Variants in SPOCK3 observed in about 807,000 individuals in gnomAD.
SPOCK3 encodes testican-3.
SPOCK3 carries 30 observed loss-of-function variants against 56.6 expected under a neutral mutation model. The ratio of observed to expected loss-of-function variants is 0.53; its 90% confidence interval spans 0.40 to 0.72. SPOCK3 has a LOEUF of 0.72. Ranked by LOEUF, SPOCK3 falls within the 30% of genes least tolerant of loss-of-function variation. The pLI is 0.00. For synonymous variants in SPOCK3, 196 were observed against 183.3 expected (o/e 1.07, Z -0.56); for missense variants, 527 against 530.0 (o/e 0.99, Z 0.06).
intron 9 of SPOCK3, among the ~76,000 whole-genome samples, chr4:166,740,540 T>G (rs1380684482): frequency 6.9e-6 from 1 of 145,074 alleles, no homozygotes; most frequent in African/African-American, 2.5e-5. Context: ...TCATTATTAT[T>G]TCTGAGATGG....
chr4:167,064,771 A>T (rs982687606), intron 2 of SPOCK3, among the ~76,000 whole-genome samples: 1 of 151,776 alleles, frequency 6.6e-6, no homozygotes, highest in Non-Finnish European at 1.5e-5. Context: ...TCCTGTGATG[A>T]AAGTTGGAAA....
At chr4:166,826,976 G>A (rs1560900482) in intron 6 of SPOCK3, among the ~76,000 whole-genome samples, 1 of 151,780 alleles carries the variant, frequency 6.6e-6, no homozygotes, top group Non-Finnish European at 1.5e-5. Context: ...TAAAAATTTT[G>A]CTGGGCCCAT....
Position 167,056,031 on chromosome 4 carries a change from C to A in SPOCK3, c.235+6461G>T, listed in dbSNP as rs529163790. ...GGGTCCCTGACAGCAGACCCCCAAGCAGCCAAACTGGGAGGCACCCCCCAG... is the reference window on the plus strand; with the variant it reads ...GGGTCCCTGACAGCAGACCCCCAAGAAGCCAAACTGGGAGGCACCCCCCAG... On this transcript the variant is annotated intron_variant, in intron 3 of 10. Transcript: ENST00000357545. 1.1e-3 allele frequency among the ~76,000 whole-genome samples: 164 copies of A among 152,292 alleles called. 1 individual carries two copies. Among genetic ancestry groups the A allele is most frequent in the Middle Eastern group, 6.8e-3 (2 of 294 alleles).
At chr4:166,830,323 T>A (rs1745901744) in intron 6 of SPOCK3, among the ~76,000 whole-genome samples, 1 of 152,224 alleles carries the variant, frequency 6.6e-6, no homozygotes, top group Admixed American at 6.5e-5. Context: ...TGAATATAAG[T>A]CTAAATAAAT....
chr4:167,097,566 T>G (rs554254013), intron 2 of SPOCK3, among the ~76,000 whole-genome samples: 1 of 152,068 alleles, frequency 6.6e-6, no homozygotes, highest in Non-Finnish European at 1.5e-5. Flanking sequence ...AACTTTAATT[T>G]TTAATTCAAG....
At chr4:166,937,224 A>G (rs982701893) in intron 4 of SPOCK3, among the ~76,000 whole-genome samples, 2 of 151,984 alleles carry the variant, frequency 1.3e-5, no homozygotes, top group African/African-American at 4.8e-5. Context: ...ATAAGCATCA[A>G]GTCGTGACTA....
rs532966914 is a variant in SPOCK3 at position 166,832,139 on chromosome 4, T to C, written c.590-39850A>G. On this transcript the variant is annotated intron_variant, in intron 6 of 10. Transcript: ENST00000357545. The stretch of plus-strand genomic sequence containing the variant: ...TTTTGTTGTAATTGCTTTGGAGAAC[T>C]TAGTCATCAATTACGTCCCAAGGCC... Among the ~76,000 whole-genome samples, 3 of 152,250 alleles carry C rather than the reference T, an allele frequency of 2.0e-5. No homozygotes were observed. The South Asian group carries it at 6.2e-4, about 32-fold the overall frequency.
At chr4:166,748,806 C>A (rs1484023351) in intron 8 of SPOCK3, among the ~76,000 whole-genome samples, 1 of 136,982 alleles carries the variant, frequency 7.3e-6, no homozygotes, top group South Asian at 2.2e-4. Context: ...AATCAAACAA[C>A]CCCATCAAAA....
chr4:166,926,437 G>T (rs1474416811), intron 4 of SPOCK3, among the ~76,000 whole-genome samples: 1 of 152,026 alleles, frequency 6.6e-6, no homozygotes, highest in African/African-American at 2.4e-5. Context: ...GGCTGCCTTT[G>T]GTATTTTCTT....
intron 8 of SPOCK3, chr4:166,754,031 A>T (rs995726260): frequency 3.9e-5 from 34 of 875,352 alleles, no homozygotes; most frequent in Non-Finnish European, 4.7e-5. Context: ...AGTTTGAAAG[A>T]CTAAATCATT....
chr4:166,946,761 T>C (rs1381753372), intron 4 of SPOCK3, among the ~76,000 whole-genome samples: 1 of 152,218 alleles, frequency 6.6e-6, no homozygotes, highest in Non-Finnish European at 1.5e-5. Context: ...AGTTTTTCTC[T>C]TTACACTATA....
At chr4:166,979,394 A>G (rs1413478154) in intron 4 of SPOCK3, among the ~76,000 whole-genome samples, 2 of 152,128 alleles carry the variant, frequency 1.3e-5, no homozygotes, top group African/African-American at 2.4e-5. Flanking sequence ...AAAACACTAC[A>G]AAAACTCCTT....
At chr4:167,092,043 A>C (rs542421100) in intron 2 of SPOCK3, among the ~76,000 whole-genome samples, 41 of 152,102 alleles carry the variant, frequency 2.7e-4, no homozygotes, top group Non-Finnish European at 5.3e-4. Flanking sequence ...TAGCTCCCAG[A>C]GAGATCAATG....
intron 3 of SPOCK3, among the ~76,000 whole-genome samples, chr4:167,001,263 G>T (rs1269727474): frequency 6.6e-6 from 1 of 152,026 alleles, no homozygotes; most frequent in East Asian, 1.9e-4. Context: ...ATATCGTCTT[G>T]TTATCATTAT....
chr4:166,815,005 T>A (rs574950336), intron 6 of SPOCK3, among the ~76,000 whole-genome samples: 1 of 152,184 alleles, frequency 6.6e-6, no homozygotes, highest in South Asian at 2.1e-4. Context: ...TGATGGAGCT[T>A]ATGTTGGAAA....
At chr4:166,997,923 G>A (rs1748557934) in intron 4 of SPOCK3, among the ~76,000 whole-genome samples, 1 of 152,020 alleles carries the variant, frequency 6.6e-6, no homozygotes. Context: ...CTATGCAAAT[G>A]GACAAAAATT....
chr4:167,010,196 T>C (rs1749890488), intron 3 of SPOCK3, among the ~76,000 whole-genome samples: 1 of 152,110 alleles, frequency 6.6e-6, no homozygotes, highest in African/African-American at 2.4e-5. Flanking sequence ...TGTGAAATCA[T>C]ATATTGCAGT....
chr4:166,766,838 C>G (rs370419344), intron 7 of SPOCK3, among the ~76,000 whole-genome samples: 3 of 151,912 alleles, frequency 2.0e-5, no homozygotes, highest in Non-Finnish European at 4.4e-5. Context: ...TTGGTTGGTA[C>G]GCTCTTAATT....
At chr4:167,041,136 A>G (rs967792435) in intron 3 of SPOCK3, among the ~76,000 whole-genome samples, 1 of 152,194 alleles carries the variant, frequency 6.6e-6, no homozygotes, top group Non-Finnish European at 1.5e-5. Flanking sequence ...TACTCTAAAT[A>G]GCTGTAGGAT....
Sources: gnomAD v4.1 joint callset for allele counts (sites outside exome capture counted in the v4.1 genomes callset) on GRCh38, gnomAD v4.1.1 for gene constraint, MANE v1.5 for transcripts, NCBI Gene and HGNC (gene_info 2026-07-23, HGNC 2026-07-21) for gene names.